The following PPP6R3 variants were observed in gnomAD, a reference collection of about 807,000 sequenced individuals.
The protein encoded by PPP6R3 is protein phosphatase 6 regulatory subunit 3.
A neutral mutation model predicts 110.7 loss-of-function variants in PPP6R3; 38 were observed. That is an observed-to-expected ratio of 0.34 (90% CI 0.26 to 0.45). PPP6R3 has a LOEUF of 0.45. Among genes scored for constraint, PPP6R3 ranks in the 20% least tolerant of loss-of-function variants. The probability of loss-of-function intolerance (pLI) is 1.00; values close to 1 mark genes in which losing one functional copy is unlikely to be tolerated. For missense variants in PPP6R3, 870 were observed against 1,062.4 expected, an observed-to-expected ratio of 0.82 and a Z score of 2.52; for synonymous variants, 369 against 373.5, an observed-to-expected ratio of 0.99 and a Z score of 0.14.
chr11:68,520,687 A>G (rs570214135), intron 2 of PPP6R3, among the ~76,000 whole-genome samples: 10 of 152,142 alleles, frequency 6.6e-5, no homozygotes, highest in South Asian at 2.1e-4. Flanking sequence ...CTTTACCTCA[A>G]TATTCTTCCG....
intron 1 of PPP6R3, among the ~76,000 whole-genome samples, chr11:68,496,222 C>T (rs2099014948): frequency 6.6e-6 from 1 of 151,376 alleles, no homozygotes; most frequent in African/African-American, 2.4e-5. Flanking sequence ...GGTTTCACTA[C>T]GTTGTCCAGG....
At chr11:68,562,344 G>A (rs890205362) in intron 8 of PPP6R3, among the ~76,000 whole-genome samples, 1 of 152,184 alleles carries the variant, frequency 6.6e-6, no homozygotes, top group African/African-American at 2.4e-5. Flanking sequence ...AGAAGACTCA[G>A]TATTGTTAAG....
chr11:68,470,016 A>G (rs1249554942), intron 1 of PPP6R3, among the ~76,000 whole-genome samples: 1 of 152,138 alleles, frequency 6.6e-6, no homozygotes, highest in Non-Finnish European at 1.5e-5. Context: ...CCCCCACTCA[A>G]CATTGTTTCT....
At chr11:68,465,969 G>A (rs75122468) in intron 1 of PPP6R3, among the ~76,000 whole-genome samples, 1,561 of 152,244 alleles carry the variant, frequency 0.01, 10 homozygotes, top group African/African-American at 0.012. Context: ...TACTGAAGCC[G>A]TTTTGTAATG....
In PPP6R3 at chr11:68,600,440, T is replaced by C; in HGVS notation, c.2138T>C (p.Met713Thr). The change falls in exon 20 of 24, where the codon ATG becomes ACG. Residue 713 changes from methionine to threonine, a missense_variant. By Grantham distance (81) the Met-to-Thr change is moderately conservative. Coordinates refer to ENST00000393800, the MANE Select transcript of PPP6R3 (RefSeq NM_001164161.2). Reference protein sequence around the residue: ...GSDVWSTEEPMPTKETGWASF... With the variant: ...GSDVWSTEEPTPTKETGWASF... ...GATGTCTGGAGCACAGAGGAGCCGA[T>C]GCCAACTAAAGAGACGGGCTGGGCT... 1 of 1,614,178 alleles carries C rather than the reference T, an allele frequency of 6.2e-7. No individual in the cohort carries two copies. Among genetic ancestry groups the C allele is most frequent in the Non-Finnish European group, 8.5e-7 (1 of 1,180,012 alleles).
Position 68,614,744 on chromosome 11 carries a change from CG to C in PPP6R3, c.*1630del. On this transcript the variant is annotated 3_prime_UTR_variant, in exon 24 of 24. Transcript: ENST00000393800. ...ACGCCTCCTCAGGAACCCCCTTTCC[CG>C]GGTGAGCCCCTCTCTGAAGAGACTG... 3 of 1,535,096 alleles carry C rather than the reference CG, an allele frequency of 2.0e-6. No individual in the cohort carries two copies. The Admixed American group carries it at 6.1e-5, about 31-fold the overall frequency.
At chr11:68,563,445 G>GTAATC (rs2099437079) in intron 8 of PPP6R3, among the ~76,000 whole-genome samples, 1 of 152,140 alleles carries the variant, frequency 6.6e-6, no homozygotes, top group African/African-American at 2.4e-5. Flanking sequence ...GCCCCCCTGG[G>GTAATC]TAATCTAGGA....
intron 18 of PPP6R3, among the ~76,000 whole-genome samples, chr11:68,594,322 AAGAGAGAGAGAGTGAG>A (rs914899726): frequency 1.6e-5 from 2 of 125,526 alleles, no homozygotes; most frequent in African/African-American, 6.6e-5. Flanking sequence ...GAGAGAGAAA[AAGAGAGAGAGAGTGAG>A]AGAGAGAGTG....
intron 1 of PPP6R3, among the ~76,000 whole-genome samples, chr11:68,513,443 G>A (rs1475020081): frequency 6.6e-6 from 1 of 152,136 alleles, no homozygotes; most frequent in Non-Finnish European, 1.5e-5. Flanking sequence ...AAATGTTAAA[G>A]TTAATTATTA....
At position 68,613,484 on chromosome 11, in the gene PPP6R3, C is replaced by G; in HGVS notation, c.*367C>G. 1.0e-6 allele frequency: 1 copy of G among 996,792 alleles called. No individual in the cohort carries two copies. The highest frequency in any genetic ancestry group is 1.2e-6 in the Non-Finnish European group (1 of 837,504). 61.7% of individuals were successfully genotyped at this position (996,792 alleles called of 1,614,324 possible). A position where few individuals can be genotyped will look rare whatever the true frequency, so the allele number is the denominator to read the frequency against. ...CAGATCTATTGTATTTGAAACATAA[C>G]TTTGACAATTATTAGTGTGACCAAA... On this transcript the variant is annotated 3_prime_UTR_variant, in exon 24 of 24. Coordinates refer to ENST00000393800, the MANE Select transcript of PPP6R3 (RefSeq NM_001164161.2).
intron 2 of PPP6R3, among the ~76,000 whole-genome samples, chr11:68,526,674 A>G (rs1470244168): frequency 2.6e-5 from 4 of 152,006 alleles, no homozygotes; most frequent in Non-Finnish European, 4.4e-5. Context: ...TAAGAAGACA[A>G]CTGGCAAAAA....
intron 14 of PPP6R3, among the ~76,000 whole-genome samples, chr11:68,581,520 T>A (rs2153821373): frequency 6.6e-6 from 1 of 152,372 alleles, no homozygotes; most frequent in African/African-American, 2.4e-5. Flanking sequence ...ACCATGGGGT[T>A]ACACCCCTAA....
intron 2 of PPP6R3, among the ~76,000 whole-genome samples, chr11:68,534,900 G>T (rs945767449): frequency 1.3e-5 from 2 of 152,172 alleles, no homozygotes; most frequent in Non-Finnish European, 2.9e-5. Flanking sequence ...TCTGGGGAAT[G>T]AATGGAAACC....
Position 68,469,103 on chromosome 11 carries a change from A to G in PPP6R3, c.-158+8276A>G, listed in dbSNP as rs2098770419. Among the ~76,000 whole-genome samples the G allele has an allele frequency of 2.0e-5, 3 of 152,212 alleles. No individual in the cohort carries two copies. In the South Asian group the frequency reaches 6.2e-4, roughly 32 times the overall value. The stretch of plus-strand genomic sequence containing the variant: ...TTTTTCTGTAAAGGACCAGTTAGTA[A>G]ATATTTTAGGCATTGGAGGCTAAAT... On this transcript the variant is annotated intron_variant, in intron 1 of 23. Transcript: ENST00000393800.
At chr11:68,477,735 A>ATATATATATATATATAT (rs1458541567) in intron 1 of PPP6R3, among the ~76,000 whole-genome samples, 3 of 64,168 alleles carry the variant, frequency 4.7e-5, no homozygotes, top group African/African-American at 1.2e-4. Context: ...TCTTAAAAAA[A>ATATATATATATATATAT]AAAAAAATAT....
chr11:68,550,159 C>T lies in PPP6R3; in HGVS notation c.553-962C>T, dbSNP rs149995223. 4.9e-4 allele frequency among the ~76,000 whole-genome samples: 75 copies of T among 152,270 alleles called. No individual in the cohort carries two copies. In the East Asian group the frequency reaches 8.3e-3, roughly 17 times the overall value. The stretch of plus-strand genomic sequence containing the variant: ...AGAATATACATTTGAACAAGATTCT[C>T]GGAGAATTTGTGTGCACATTTTAAA... On this transcript the variant is annotated intron_variant, in intron 5 of 23. Transcript: ENST00000393800.
At chr11:68,536,880 G>A (rs2099273840) in intron 2 of PPP6R3, among the ~76,000 whole-genome samples, 1 of 152,188 alleles carries the variant, frequency 6.6e-6, no homozygotes, top group African/African-American at 2.4e-5. Context: ...ATCCTGTCAT[G>A]TGTCTCAAAA....
chr11:68,603,768 A>G (rs978428398), intron 22 of PPP6R3, among the ~76,000 whole-genome samples: 4 of 152,190 alleles, frequency 2.6e-5, no homozygotes, highest in Admixed American at 6.5e-5. Context: ...TTTAATCACA[A>G]TAGAAATTGG....
intron 2 of PPP6R3, among the ~76,000 whole-genome samples, chr11:68,526,367 G>A (rs1455298666): frequency 6.6e-6 from 1 of 151,960 alleles, no homozygotes; most frequent in Non-Finnish European, 1.5e-5. Flanking sequence ...AGCCTCCTGA[G>A]TAGCTAGGAC....
Sources: allele counts gnomAD v4.1 joint callset (sites outside exome capture counted in the v4.1 genomes callset), GRCh38; gene constraint gnomAD v4.1.1; transcripts MANE v1.5; gene names NCBI Gene and HGNC (gene_info 2026-07-23, HGNC 2026-07-21).